ZC3H12B: variants seen among roughly 807,000 people sequenced by gnomAD.
ZC3H12B encodes zinc finger CCCH-type containing 12B.
Under a neutral mutation model 43.9 loss-of-function variants are expected in ZC3H12B, and 7 were observed. The observed-to-expected ratio is 0.16, with a 90% confidence interval of 0.09 to 0.30. The LOEUF (loss-of-function observed/expected upper bound fraction) is 0.30, where lower values mean the gene tolerates loss of function less well. Among genes scored for constraint, ZC3H12B ranks in the 10% least tolerant of loss-of-function variants. The pLI is 1.00. For missense variants in ZC3H12B, 475 were observed against 670.2 expected, an observed-to-expected ratio of 0.71 and a Z score of 3.22; for synonymous variants, 222 against 241.7, an observed-to-expected ratio of 0.92 and a Z score of 0.76.
the ZC3H12B span, among the ~76,000 whole-genome samples, chrX:65,129,239 ATG>A: frequency 9.7e-6 from 1 of 103,056 alleles, no homozygotes; most frequent in African/African-American, 3.9e-5. Context: ...TCTATTATAT[ATG>A]TATGTGTGTA....
chrX:65,071,062 C>T, the ZC3H12B span, among the ~76,000 whole-genome samples: 8 of 108,002 alleles, frequency 7.4e-5, no homozygotes, highest in African/African-American at 1.7e-4. Context: ...GTTGAAGTGT[C>T]GCACTATTAT....
chrX:65,143,473 T>C, the ZC3H12B span, among the ~76,000 whole-genome samples: 43 of 111,399 alleles, frequency 3.9e-4, no homozygotes, highest in Admixed American at 3.2e-3. Flanking sequence ...TTTAATATTG[T>C]TTATGTGGTG....
chrX:65,119,236 C>A, the ZC3H12B span, among the ~76,000 whole-genome samples: 3 of 111,664 alleles, frequency 2.7e-5, no homozygotes, highest in South Asian at 1.1e-3. Flanking sequence ...CTGACTTCCA[C>A]AAGAGTTGAA....
the ZC3H12B span, among the ~76,000 whole-genome samples, chrX:65,332,746 G>A: frequency 2.7e-5 from 3 of 111,557 alleles, no homozygotes; most frequent in Non-Finnish European, 5.7e-5. Flanking sequence ...ACAGGTTTTT[G>A]AAACCTGTTA....
the ZC3H12B span, among the ~76,000 whole-genome samples, chrX:65,196,214 C>A: frequency 2.8e-5 from 3 of 105,454 alleles, no homozygotes; most frequent in Non-Finnish European, 5.8e-5. Context: ...CAGAAACAGT[C>A]CCCCTGCAGT....
intron 2 of ZC3H12B, among the ~76,000 whole-genome samples, chrX:65,392,796 G>A (rs1001713743): frequency 1.1e-4 from 13 of 113,049 alleles, no homozygotes; most frequent in South Asian, 3.6e-4. Context: ...CAGTTTTGTC[G>A]AATAGAAAAG....
chrX:65,377,222 A>C (rs1351548943), intron 2 of ZC3H12B, among the ~76,000 whole-genome samples: 1 of 107,966 alleles, frequency 9.3e-6, no homozygotes, highest in African/African-American at 3.4e-5. Context: ...GTCCGAGGAG[A>C]CAAAAAAAAA....
the ZC3H12B span, chrX:65,271,674 A>G: frequency 1.8e-5 from 2 of 112,472 alleles, no homozygotes; most frequent in Non-Finnish European, 3.7e-5. Flanking sequence ...GACTTTACAG[A>G]TGATATGGAT....
chrX:65,113,816 A>G, the ZC3H12B span, among the ~76,000 whole-genome samples: 2 of 106,650 alleles, frequency 1.9e-5, no homozygotes, highest in East Asian at 6.1e-4. Context: ...AAATTAAGGT[A>G]TGTACATTTC....
At chrX:65,207,456 G>T in the ZC3H12B span, among the ~76,000 whole-genome samples, 10 of 110,874 alleles carry the variant, frequency 9.0e-5, no homozygotes, top group East Asian at 2.8e-4. Context: ...GCATAAGAAT[G>T]ATGACAATGC....
At chrX:65,156,374 T>A in the ZC3H12B span, among the ~76,000 whole-genome samples, 1 of 111,030 alleles carries the variant, frequency 9.0e-6, no homozygotes, top group Non-Finnish European at 1.9e-5. Flanking sequence ...CTAAATTTTT[T>A]AAACTTTTTG....
chrX:65,352,340 A>G, the ZC3H12B span, among the ~76,000 whole-genome samples: 25 of 111,403 alleles, frequency 2.2e-4, no homozygotes, highest in African/African-American at 8.2e-4. Flanking sequence ...TAGGGGAAGG[A>G]TAACATTGGA....
At chrX:65,059,503 C>T in the ZC3H12B span, among the ~76,000 whole-genome samples, 2 of 110,966 alleles carry the variant, frequency 1.8e-5, no homozygotes, top group African/African-American at 6.6e-5. Context: ...AGGTTCTTAG[C>T]ACCTTTGTTT....
chrX:65,062,283 A>G, the ZC3H12B span, among the ~76,000 whole-genome samples: 3 of 111,926 alleles, frequency 2.7e-5, no homozygotes, highest in Admixed American at 9.5e-5. Flanking sequence ...TAGGGTTTTT[A>G]TGGTTTTAGG....
chrX:65,430,486 C>A (rs1359083903), intron 3 of ZC3H12B, among the ~76,000 whole-genome samples: 2 of 60,470 alleles, frequency 3.3e-5, no homozygotes, highest in African/African-American at 1.4e-4. Context: ...AATGCTATCC[C>A]TCCCCCCTCC....
At chrX:65,228,806 C>T in the ZC3H12B span, among the ~76,000 whole-genome samples, 1 of 111,503 alleles carries the variant, frequency 9.0e-6, no homozygotes, top group Non-Finnish European at 1.9e-5. Flanking sequence ...GAATAAAATA[C>T]CTAGGAATCC....
At chrX:65,448,585 C>T (rs1051084006) in intron 3 of ZC3H12B, among the ~76,000 whole-genome samples, 14 of 111,229 alleles carry the variant, frequency 1.3e-4, no homozygotes, top group Admixed American at 8.7e-4. Flanking sequence ...GTGAGGCCGA[C>T]GTGGGTGGAT....
the ZC3H12B span, among the ~76,000 whole-genome samples, chrX:65,254,102 G>A: frequency 1.8e-5 from 2 of 111,768 alleles, no homozygotes; most frequent in Non-Finnish European, 3.8e-5. Context: ...GTGGGCACAC[G>A]AATGGAGACC....
intron 3 of ZC3H12B, among the ~76,000 whole-genome samples, chrX:65,462,210 T>C (rs1337981217): frequency 3.6e-5 from 4 of 110,870 alleles, no homozygotes; most frequent in African/African-American, 1.3e-4. Context: ...GGGTATAACC[T>C]CATTTTTAAA....
Sources: gnomAD v4.1 joint callset for allele counts (sites outside exome capture counted in the v4.1 genomes callset) on GRCh38, gnomAD v4.1.1 for gene constraint, MANE v1.5 for transcripts, NCBI Gene and HGNC (gene_info 2026-07-23, HGNC 2026-07-21) for gene names.